The following AFG2A variants were observed in gnomAD, a reference collection of about 807,000 sequenced individuals.
The protein encoded by AFG2A is AAA ATPase AFG2A.
At chr4:122,932,496 A>G in the AFG2A span, among the ~76,000 whole-genome samples, 26 of 152,054 alleles carry the variant, frequency 1.7e-4, no homozygotes, top group South Asian at 2.7e-3. Flanking sequence ...CTCAGTTCCA[A>G]TCACTTACAC....
At chr4:123,174,451 ACTGACT>A in the AFG2A span, among the ~76,000 whole-genome samples, 1 of 152,200 alleles carries the variant, frequency 6.6e-6, no homozygotes, top group Non-Finnish European at 1.5e-5. Flanking sequence ...GCCTCAGTTA[ACTGACT>A]CTGATGTAGA....
the AFG2A span, among the ~76,000 whole-genome samples, chr4:123,239,001 T>G: frequency 6.6e-6 from 1 of 152,112 alleles, no homozygotes; most frequent in Non-Finnish European, 1.5e-5. Context: ...AATGACCTGA[T>G]GGAGCTGAAA....
At chr4:123,261,501 G>C in the AFG2A span, among the ~76,000 whole-genome samples, 1 of 152,128 alleles carries the variant, frequency 6.6e-6, no homozygotes, top group Non-Finnish European at 1.5e-5. Context: ...AAGTAATCTA[G>C]AGATGATGTA....
chr4:123,007,648 C>CACAT, the AFG2A span, among the ~76,000 whole-genome samples: 25 of 39,916 alleles, frequency 6.3e-4, no homozygotes, highest in African/African-American at 1.5e-3. Flanking sequence ...ACACAACACA[C>CACAT]ACACACACAC....
chr4:122,998,579 G>C, the AFG2A span, among the ~76,000 whole-genome samples: 2 of 151,518 alleles, frequency 1.3e-5, no homozygotes, highest in African/African-American at 4.9e-5. Context: ...TTTTCTCCTT[G>C]TGATAGTTTA....
the AFG2A span, among the ~76,000 whole-genome samples, chr4:123,041,412 C>T: frequency 1.3e-4 from 20 of 151,712 alleles, no homozygotes; most frequent in Non-Finnish European, 2.1e-4. Context: ...TGAGCCACCG[C>T]GCCCGGCCTA....
At chr4:123,198,578 GA>G in the AFG2A span, among the ~76,000 whole-genome samples, 1 of 152,044 alleles carries the variant, frequency 6.6e-6, no homozygotes, top group Admixed American at 6.6e-5. Flanking sequence ...TTGAAGCTAG[GA>G]CTTAACACAG....
chr4:123,264,311 G>T, the AFG2A span, among the ~76,000 whole-genome samples: 1 of 152,072 alleles, frequency 6.6e-6, no homozygotes. Flanking sequence ...CACCACTAAA[G>T]AACTTATCTA....
the AFG2A span, among the ~76,000 whole-genome samples, chr4:123,074,129 T>C: frequency 7.6e-6 from 1 of 131,482 alleles, no homozygotes; most frequent in African/African-American, 3.0e-5. Context: ...AGTCTCGCTC[T>C]GTTGCCCAGG....
the AFG2A span, among the ~76,000 whole-genome samples, chr4:123,204,701 A>ACAGTCATGAATAT: frequency 6.6e-6 from 1 of 152,226 alleles, no homozygotes; most frequent in African/African-American, 2.4e-5. Context: ...GCCACATGCT[A>ACAGTCATGAATAT]CAGTCATGAA....
chr4:123,140,480 C>T, the AFG2A span, among the ~76,000 whole-genome samples: 4 of 142,290 alleles, frequency 2.8e-5, no homozygotes, highest in African/African-American at 7.8e-5. Context: ...GTCACAACAC[C>T]TCCCTTAGAG....
At chr4:123,296,162 T>C in the AFG2A span, among the ~76,000 whole-genome samples, 1 of 148,866 alleles carries the variant, frequency 6.7e-6, no homozygotes, top group Non-Finnish European at 1.5e-5. Flanking sequence ...GCAATACCTA[T>C]GAAGTACTTG....
At chr4:123,091,256 G>A in the AFG2A span, among the ~76,000 whole-genome samples, 2 of 152,064 alleles carry the variant, frequency 1.3e-5, no homozygotes, top group Non-Finnish European at 2.9e-5. Context: ...GAGAGAACTT[G>A]GTCATTCCAA....
At chr4:122,983,387 T>G in the AFG2A span, among the ~76,000 whole-genome samples, 1 of 152,184 alleles carries the variant, frequency 6.6e-6, no homozygotes, top group Admixed American at 6.5e-5. Context: ...TTCTTTGTTG[T>G]GTAAAATTAG....
chr4:123,210,857 AT>A, the AFG2A span, among the ~76,000 whole-genome samples: 4 of 152,030 alleles, frequency 2.6e-5, no homozygotes, highest in Admixed American at 2.0e-4. Flanking sequence ...GCCAACCCTA[AT>A]TTTTTTATCT....
At chr4:123,169,258 A>G in the AFG2A span, among the ~76,000 whole-genome samples, 2 of 152,196 alleles carry the variant, frequency 1.3e-5, no homozygotes, top group African/African-American at 4.8e-5. Flanking sequence ...ACTTAGAAAT[A>G]TGGGCTTAGT....
At chr4:122,934,165 G>A in the AFG2A span, 2 of 1,614,170 alleles carry the variant, frequency 1.2e-6, no homozygotes, top group Non-Finnish European at 1.7e-6. Context: ...CAAGCTGCAA[G>A]TATTGCGAGT....
the AFG2A span, chr4:122,935,990 T>C: frequency 4.6e-6 from 6 of 1,300,676 alleles, no homozygotes; most frequent in African/African-American, 6.0e-5. Context: ...AAATTCTTTT[T>C]GAAAGTAATT....
the AFG2A span, among the ~76,000 whole-genome samples, chr4:123,005,145 CCTTT>C: frequency 1.3e-5 from 2 of 151,756 alleles, no homozygotes; most frequent in East Asian, 1.9e-4. Flanking sequence ...TTTCAAATTG[CCTTT>C]CTTTCTTCTT....
Sources: allele counts gnomAD v4.1 joint callset (sites outside exome capture counted in the v4.1 genomes callset), GRCh38; gene constraint gnomAD v4.1.1; transcripts MANE v1.5; gene names NCBI Gene and HGNC (gene_info 2026-07-23, HGNC 2026-07-21).